Variants in ARHGAP18 observed in about 807,000 individuals in gnomAD.
ARHGAP18 encodes the protein rho GTPase-activating protein 18.
ARHGAP18 carries 67 observed loss-of-function variants against 86.2 expected under a neutral mutation model. The ratio of observed to expected loss-of-function variants is 0.78; its 90% CI spans 0.64 to 0.95. The LOEUF is 0.95. Among genes scored for constraint, ARHGAP18 ranks in the 40% least tolerant of loss-of-function variants. The pLI, the probability that ARHGAP18 is intolerant of heterozygous loss-of-function variation, is 0.00. For missense variants in ARHGAP18, 691 were observed against 780.4 expected, an observed-to-expected ratio of 0.89 and a Z score of 1.37; for synonymous variants, 283 against 280.4, an observed-to-expected ratio of 1.01 and a Z score of -0.09.
At chr6:129,597,929 T>G (rs1788650259) in intron 12 of ARHGAP18, among the ~76,000 whole-genome samples, 1 of 152,156 alleles carries the variant, frequency 6.6e-6, no homozygotes, top group Non-Finnish European at 1.5e-5. Flanking sequence ...TACTAAAATA[T>G]TCCATTTCCA....
chr6:129,666,145 T>C (rs1423429912), intron 1 of ARHGAP18, among the ~76,000 whole-genome samples: 1 of 152,144 alleles, frequency 6.6e-6, no homozygotes, highest in African/African-American at 2.4e-5. Flanking sequence ...GATCACGCCA[T>C]GGACTGATCC....
At chr6:129,671,314 T>C (rs547723410) in intron 1 of ARHGAP18, among the ~76,000 whole-genome samples, 11 of 152,102 alleles carry the variant, frequency 7.2e-5, no homozygotes, top group Non-Finnish European at 1.3e-4. Context: ...GAGTTCACAT[T>C]TGGAAAAAAA....
chr6:129,627,382 C>CA (rs58533930), intron 5 of ARHGAP18, among the ~76,000 whole-genome samples: 40,061 of 151,724 alleles, frequency 0.26, 5,368 homozygotes, highest in Middle Eastern at 0.29. Context: ...GCTACATTGA[C>CA]AAAAAAGAAA....
At position 129,681,792 on chromosome 6, in the gene ARHGAP18, G is replaced by A. The variant is rs573153918; in HGVS notation, c.113+28232C>T. Among the ~76,000 whole-genome samples the A allele has an allele frequency of 2.0e-5, 3 of 152,318 alleles. No homozygotes were observed. In the East Asian group the frequency reaches 5.8e-4, roughly 29 times the overall value. On this transcript the variant is annotated intron_variant, in intron 1 of 14. Transcript: ENST00000368149. The stretch of plus-strand genomic sequence containing the variant: ...TGAGACAGTCCAAAGACAACACATT[G>A]CATTTCACTTTGTTTTCAAAGAACA...
chr6:129,644,149 G>GAATCTCTTTCC (rs1773529970), intron 1 of ARHGAP18, among the ~76,000 whole-genome samples: 1 of 152,148 alleles, frequency 6.6e-6, no homozygotes, highest in Non-Finnish European at 1.5e-5. Flanking sequence ...ACATGTTTGT[G>GAATCTCTTTCC]AATCTCTTTC....
chr6:129,642,028 C>T lies in ARHGAP18; in HGVS notation c.114-10G>A. The T allele has an allele frequency of 6.2e-7, 1 of 1,611,612 alleles. No individual in the cohort carries two copies. Among genetic ancestry groups the T allele is most frequent in the Non-Finnish European group, 8.5e-7 (1 of 1,178,514 alleles). Reference sequence around the variant, plus strand: ...CTGGCCATATCTGCGACTGTAAATTCAAAAGAACCCATGGTTTATTTTAGT... The same window carrying T: ...CTGGCCATATCTGCGACTGTAAATTTAAAAGAACCCATGGTTTATTTTAGT... On this transcript the variant is annotated splice_polypyrimidine_tract_variant and intron_variant, in intron 1 of 14. Transcript: ENST00000368149.
rs927611194 is a variant in ARHGAP18 at position 129,576,522 on chromosome 6, A to G, written c.*1991T>C. The G allele has an allele frequency of 1.4e-4, 21 of 152,218 alleles. No individual in the cohort carries two copies. The highest frequency in any genetic ancestry group is 4.8e-4 in the African/African-American group (20 of 41,450). The allele number at this position is 152,218 out of a possible 1,614,324, so 9.4% of individuals were successfully genotyped here. A position where few individuals can be genotyped will look rare whatever the true frequency, so the allele number is the denominator to read the frequency against. ...TGTTATTTAAACGTGATATTATTCA[A>G]CATTGATGAACTTGGGTCGTGAGTT... On this transcript the variant is annotated 3_prime_UTR_variant, in exon 15 of 15. Coordinates refer to ENST00000368149, the MANE Select transcript of ARHGAP18 (RefSeq NM_033515.3).
chr6:129,633,954 A>T, intron 4 of ARHGAP18, 88 bp downstream of exon 4: 1 of 1,138,440 alleles, frequency 8.8e-7, no homozygotes. Context: ...TGCTTACTAG[A>T]ATTGAAGGTA....
intron 10 of ARHGAP18, 29 bp from the exon 11 acceptor site, chr6:129,600,877 G>C: frequency 6.4e-7 from 1 of 1,568,268 alleles, no homozygotes; most frequent in African/African-American, 1.4e-5. Flanking sequence ...TTTGAGATTT[G>C]TGTCATATAT....
At chr6:129,598,674 T>C (rs1327307684) in intron 12 of ARHGAP18, among the ~76,000 whole-genome samples, 2 of 152,214 alleles carry the variant, frequency 1.3e-5, no homozygotes, top group East Asian at 3.8e-4. Context: ...CTTAATTTTT[T>C]TCTTTCCAAT....
chr6:129,684,081 A>G (rs1351877343), intron 1 of ARHGAP18, among the ~76,000 whole-genome samples: 1 of 152,228 alleles, frequency 6.6e-6, no homozygotes, highest in Non-Finnish European at 1.5e-5. Context: ...AAAGCTTAGT[A>G]AGAGCTCCTT....
chr6:129,673,180 C>A (rs2114529708), intron 1 of ARHGAP18, among the ~76,000 whole-genome samples: 1 of 152,274 alleles, frequency 6.6e-6, no homozygotes, highest in South Asian at 2.1e-4. Context: ...TTCACAATGT[C>A]CTTCATCTAG....
intron 1 of ARHGAP18, among the ~76,000 whole-genome samples, chr6:129,670,625 C>T (rs867079467): frequency 6.6e-6 from 1 of 152,000 alleles, no homozygotes; most frequent in South Asian, 2.1e-4. Flanking sequence ...GTCTCTTATA[C>T]CACCTACTTC....
chr6:129,681,944 A>C (rs1255914470), intron 1 of ARHGAP18, among the ~76,000 whole-genome samples: 1 of 152,188 alleles, frequency 6.6e-6, no homozygotes, highest in Non-Finnish European at 1.5e-5. Context: ...GCTGTATCTC[A>C]TCAAGTAATG....
At chr6:129,681,883 A>T (rs1269164040) in intron 1 of ARHGAP18, among the ~76,000 whole-genome samples, 1 of 152,166 alleles carries the variant, frequency 6.6e-6, no homozygotes, top group African/African-American at 2.4e-5. Context: ...GCTTGCCTTC[A>T]CCTAGCAGAA....
chr6:129,591,161 A>C (rs1215744847), intron 12 of ARHGAP18, among the ~76,000 whole-genome samples: 3 of 152,232 alleles, frequency 2.0e-5, no homozygotes, highest in Non-Finnish European at 2.9e-5. Flanking sequence ...AGTTATTACT[A>C]TACTAATTAC....
chr6:129,701,678 G>T (rs1774713333), intron 1 of ARHGAP18, among the ~76,000 whole-genome samples: 1 of 152,156 alleles, frequency 6.6e-6, no homozygotes, highest in African/African-American at 2.4e-5. Flanking sequence ...GCTGAGGCAG[G>T]AGAATCACTT....
chr6:129,629,646 C>T lies in ARHGAP18; in HGVS notation c.617-124G>A, dbSNP rs141035724. 1.2e-3 allele frequency: 1,215 copies of T among 996,940 alleles called. 38 individuals are homozygous for T. The Admixed American group carries it at 0.031, about 25-fold the overall frequency. The allele number at this position is 996,940 out of a possible 1,614,324, so 61.8% of individuals were successfully genotyped here. ...CTATTTTCTCTAGGCAATACTTAGC[C>T]GTTATTTTAATACTAAAGAGTATAC... On this transcript the variant is annotated intron_variant, in intron 4 of 14. Transcript: ENST00000368149.
At chr6:129,708,492 G>A (rs1468896934) in intron 1 of ARHGAP18, among the ~76,000 whole-genome samples, 3 of 152,218 alleles carry the variant, frequency 2.0e-5, no homozygotes, top group Admixed American at 6.5e-5. Flanking sequence ...AACTGGAGAT[G>A]CAGCCCCAGA....
Sources: allele counts gnomAD v4.1 joint callset (sites outside exome capture counted in the v4.1 genomes callset), GRCh38; gene constraint gnomAD v4.1.1; transcripts MANE v1.5; gene names NCBI Gene and HGNC (gene_info 2026-07-23, HGNC 2026-07-21).